Variants in SCIN observed in about 807,000 individuals in gnomAD.
The protein encoded by SCIN is adseverin.
SCIN carries 91 observed loss-of-function variants against 91.8 expected under a neutral mutation model. The observed-to-expected ratio is 0.99, with a 90% CI of 0.84 to 1.18. SCIN has a LOEUF of 1.18. Among genes scored for constraint, SCIN ranks in the 50% most tolerant of loss-of-function variants. The probability of loss-of-function intolerance (pLI) is 0.00; values close to 1 mark genes in which losing one functional copy is unlikely to be tolerated. For synonymous variants in SCIN, 367 were observed against 312.6 expected (o/e 1.17, Z -1.84); for missense variants, 1,087 against 863.9 (o/e 1.26, Z -3.24).
At chr7:12,585,443 C>T (rs989178783) in intron 3 of SCIN, among the ~76,000 whole-genome samples, 3 of 152,038 alleles carry the variant, frequency 2.0e-5, no homozygotes, top group African/African-American at 7.2e-5. Flanking sequence ...CAAACTCATC[C>T]CCACCCAGAG....
At position 12,640,410 on chromosome 7, in the gene SCIN, A is replaced by G; in HGVS notation, c.1474A>G (p.Ile492Val). 1 of 1,613,412 alleles carries G rather than the reference A, an allele frequency of 6.2e-7. No individual in the cohort carries two copies. The highest frequency in any genetic ancestry group is 8.5e-7 in the Non-Finnish European group (1 of 1,179,636). Residue 492 changes from isoleucine (I) to valine (V), a missense_variant, in exon 11 of 16, where the codon ATT (isoleucine) becomes GTT (valine). By Grantham distance (29) the Ile-to-Val change is conservative. Coordinates refer to ENST00000297029, the MANE Select transcript of SCIN (RefSeq NM_001112706.3). ...LLSLFKDKPL[I>V]IYKNGTSKKG... Reference sequence around the variant, plus strand: ...GAGTTTGTTCAAAGACAAACCGCTCATTATTTACAAGAATGGAACATCAAA... The same window carrying G: ...GAGTTTGTTCAAAGACAAACCGCTCGTTATTTACAAGAATGGAACATCAAA...
chr7:12,605,468 G>A (rs1028618308), intron 4 of SCIN, among the ~76,000 whole-genome samples: 99 of 152,298 alleles, frequency 6.5e-4, no homozygotes, highest in Middle Eastern at 6.8e-3. Context: ...TGAATTTCCG[G>A]GGTATTGGAA....
At chr7:12,652,277 C>A (rs1784094832) in intron 15 of SCIN, among the ~76,000 whole-genome samples, 1 of 152,156 alleles carries the variant, frequency 6.6e-6, no homozygotes, top group Non-Finnish European at 1.5e-5. Context: ...AAACGTATAA[C>A]AATAATTATG....
intron 9 of SCIN, among the ~76,000 whole-genome samples, chr7:12,633,242 G>A (rs954716726): frequency 6.6e-6 from 1 of 152,112 alleles, no homozygotes; most frequent in African/African-American, 2.4e-5. Flanking sequence ...ATTCAGCAAT[G>A]ATATTTTATC....
At chr7:12,616,560 C>T (rs1156816414) in intron 4 of SCIN, among the ~76,000 whole-genome samples, 6 of 152,058 alleles carry the variant, frequency 3.9e-5, no homozygotes, top group Admixed American at 3.3e-4. Context: ...CTCCAAACAG[C>T]GAAAACACTG....
rs962047564 is a variant in SCIN, at chr7:12,657,214, T to A, written c.*4499T>A. ...GTGTACTAAAGGATATAATATGATT[T>A]TTTTTTTTTTTTTTTTTTTTTTGAG... On this transcript the variant is annotated 3_prime_UTR_variant, in exon 16 of 16. Coordinates refer to ENST00000297029, the MANE Select transcript of SCIN (RefSeq NM_001112706.3). 1.8e-5 allele frequency: 2 copies of A among 109,822 alleles called. No individual in the cohort carries two copies. The highest frequency in any genetic ancestry group is 6.3e-5 in the African/African-American group (1 of 15,778). The allele number at this position is 109,822 out of a possible 1,614,324, so 6.8% of individuals were successfully genotyped here.
chr7:12,580,577 C>T (rs1263236546), intron 2 of SCIN, among the ~76,000 whole-genome samples: 1 of 152,174 alleles, frequency 6.6e-6, no homozygotes, highest in African/African-American at 2.4e-5. Flanking sequence ...CTGGCCAGCA[C>T]TCAACAACCA....
chr7:12,610,141 A>T (rs1433047963), intron 4 of SCIN, among the ~76,000 whole-genome samples: 1 of 152,212 alleles, frequency 6.6e-6, no homozygotes, highest in Non-Finnish European at 1.5e-5. Context: ...TGATGTTAGC[A>T]TATAGTCTAG....
chr7:12,656,048 C>G lies in SCIN; in HGVS notation c.*3333C>G, dbSNP rs1310921498. 1.3e-5 allele frequency: 2 copies of G among 152,190 alleles called. No homozygotes were observed. The highest frequency in any genetic ancestry group is 1.3e-4 in the Admixed American group (2 of 15,284). 9.4% of individuals were successfully genotyped at this position (152,190 alleles called of 1,614,324 possible). A position where few individuals can be genotyped will look rare whatever the true frequency, so the allele number is the denominator to read the frequency against. ...TAGATCCTCTGTATCTTCTCAAGCA[C>G]AATCCTCAGTGTTCTCTTCTCGTCT... On this transcript the variant is annotated 3_prime_UTR_variant, in exon 16 of 16. Transcript: ENST00000297029.
chr7:12,617,679 G>C (rs1167804607), intron 4 of SCIN, among the ~76,000 whole-genome samples: 1 of 152,080 alleles, frequency 6.6e-6, no homozygotes. Context: ...CCCAATGGTT[G>C]AGGTAGATAA....
rs910822043 is a variant in SCIN, at chr7:12,657,823, A to C, written c.*5108A>C. On this transcript the variant is annotated 3_prime_UTR_variant, in exon 16 of 16. Coordinates refer to ENST00000297029, the MANE Select transcript of SCIN (RefSeq NM_001112706.3). ...TGACTATGGCATTTGCATGCATTTC[A>C]TCATGTCTCCATTTCTTCGGAATGA... The C allele has an allele frequency of 1.3e-5, 2 of 151,636 alleles. No homozygotes were observed. Among genetic ancestry groups the C allele is most frequent in the Non-Finnish European group, 2.9e-5 (2 of 67,882 alleles). 9.4% of individuals were successfully genotyped at this position (151,636 alleles called of 1,614,324 possible).
At chr7:12,592,430 T>A (rs553139954) in intron 3 of SCIN, among the ~76,000 whole-genome samples, 1 of 151,902 alleles carries the variant, frequency 6.6e-6, no homozygotes, top group African/African-American at 2.4e-5. Context: ...GCCCTTTTGG[T>A]GGGTTAGAGA....
chr7:12,573,394 G>A (rs78487375), intron 1 of SCIN, among the ~76,000 whole-genome samples: 4,983 of 152,272 alleles, frequency 0.033, 128 homozygotes, highest in Non-Finnish European at 0.05. Flanking sequence ...GAAACAGGAA[G>A]AAGTTGGACC....
chr7:12,578,050 G>T lies in SCIN; in HGVS notation c.200-14G>T, dbSNP rs1782411640. 2 of 1,527,242 alleles carry T rather than the reference G, an allele frequency of 1.3e-6. No homozygotes were observed. The highest frequency in any genetic ancestry group is 1.8e-6 in the Non-Finnish European group (2 of 1,136,498). 94.6% of individuals were successfully genotyped at this position (1,527,242 alleles called of 1,614,324 possible). Reference sequence around the variant, plus strand: ...CTTGCTTGATAATTGAGGTGCTGTTGTTCACTGTTTTAGGAAAGGAGTGTT... The same window carrying T: ...CTTGCTTGATAATTGAGGTGCTGTTTTTCACTGTTTTAGGAAAGGAGTGTT... On this transcript the variant is annotated splice_polypyrimidine_tract_variant and intron_variant, in intron 1 of 15. Transcript: ENST00000297029.
At chr7:12,639,489 C>A (rs1783815679) in intron 10 of SCIN, among the ~76,000 whole-genome samples, 1 of 152,116 alleles carries the variant, frequency 6.6e-6, no homozygotes. Flanking sequence ...TGAGACAGTT[C>A]AATTTTAGCA....
rs13224841 is a variant in SCIN, at chr7:12,658,005, C to T, written c.*5290C>T. 3 of 151,998 alleles carry T rather than the reference C, an allele frequency of 2.0e-5. No homozygotes were observed. The highest frequency in any genetic ancestry group is 2.0e-4 in the Admixed American group (3 of 15,266). 9.4% of individuals were successfully genotyped at this position (151,998 alleles called of 1,614,324 possible). A position where few individuals can be genotyped will look rare whatever the true frequency, so the allele number is the denominator to read the frequency against. On this transcript the variant is annotated 3_prime_UTR_variant, in exon 16 of 16. Transcript: ENST00000297029. ...TGATGTTATTATAATAAAAATGACA[C>T]CTTTACTAAAAATGTCTCATCATAA...
rs148960126 is a variant in SCIN at position 12,637,632 on chromosome 7, A to G, written c.1410+1497A>G. ...TGGAGGAAGAAATGAGACAAGTAAG[A>G]AGGAGGAGAGAAGAGGAAGGGCAAG... On this transcript the variant is annotated intron_variant, in intron 10 of 15. Coordinates refer to ENST00000297029, the MANE Select transcript of SCIN (RefSeq NM_001112706.3). 2.8e-3 allele frequency among the ~76,000 whole-genome samples: 428 copies of G among 151,836 alleles called. 1 individual carries two copies. Among genetic ancestry groups the G allele is most frequent in the African/African-American group, 9.9e-3 (408 of 41,376 alleles).
intron 4 of SCIN, among the ~76,000 whole-genome samples, chr7:12,609,503 GAAAGCA>G (rs1783148352): frequency 6.6e-6 from 1 of 151,208 alleles, no homozygotes; most frequent in Non-Finnish European, 1.5e-5. Flanking sequence ...ACATTAGGAG[GAAAGCA>G]AAAAACAAAC....
intron 9 of SCIN, among the ~76,000 whole-genome samples, chr7:12,632,339 C>T (rs1354732956): frequency 6.6e-6 from 1 of 152,016 alleles, no homozygotes; most frequent in Non-Finnish European, 1.5e-5. Context: ...CCATGTTGGC[C>T]AGGCTGGTCT....
Sources: allele counts gnomAD v4.1 joint callset (sites outside exome capture counted in the v4.1 genomes callset), GRCh38; gene constraint gnomAD v4.1.1; transcripts MANE v1.5; gene names NCBI Gene and HGNC (gene_info 2026-07-23, HGNC 2026-07-21).